STXBP5L: variants seen among roughly 807,000 people sequenced by gnomAD.
The protein encoded by STXBP5L is syntaxin-binding protein 5-like.
Under a neutral mutation model 144.5 loss-of-function variants are expected in STXBP5L, and 65 were observed. The observed-to-expected ratio is 0.45, with a 90% CI of 0.37 to 0.55. The LOEUF is 0.55. Among genes scored for constraint, STXBP5L ranks in the 20% least tolerant of loss-of-function variants. The pLI is 0.00. For missense variants in STXBP5L, 1,298 were observed against 1,405.5 expected (o/e 0.92, Z 1.22); for synonymous variants, 505 against 469.6 (o/e 1.08, Z -0.97).
At chr3:121,023,986 C>T (rs1246840637) in intron 3 of STXBP5L, among the ~76,000 whole-genome samples, 1 of 151,982 alleles carries the variant, frequency 6.6e-6, no homozygotes, top group Non-Finnish European at 1.5e-5. Context: ...TCTCGATCTC[C>T]TGACCTTGTG....
intron 2 of STXBP5L, among the ~76,000 whole-genome samples, chr3:120,951,547 T>C (rs997917176): frequency 5.9e-5 from 9 of 151,930 alleles, no homozygotes; most frequent in African/African-American, 2.2e-4. Context: ...AAAAAACACA[T>C]GAAAAAATGC....
chr3:121,377,856 A>C (rs2108676851), intron 20 of STXBP5L, among the ~76,000 whole-genome samples: 2 of 152,328 alleles, frequency 1.3e-5, no homozygotes, highest in Middle Eastern at 6.8e-3. Context: ...TTCTACTATA[A>C]AGACACATGC....
intron 3 of STXBP5L, among the ~76,000 whole-genome samples, chr3:120,971,662 C>T (rs1482077465): frequency 6.8e-6 from 1 of 147,544 alleles, no homozygotes; most frequent in Non-Finnish European, 1.5e-5. Context: ...CACACACACA[C>T]ATATACATTC....
intron 5 of STXBP5L, among the ~76,000 whole-genome samples, chr3:121,103,048 A>G (rs2043508953): frequency 6.6e-6 from 1 of 152,096 alleles, no homozygotes; most frequent in Non-Finnish European, 1.5e-5. Flanking sequence ...AAGTCTAAAA[A>G]CCACAAATGC....
chr3:121,140,506 A>C (rs1482507007), intron 7 of STXBP5L, among the ~76,000 whole-genome samples: 1 of 152,188 alleles, frequency 6.6e-6, no homozygotes, highest in Non-Finnish European at 1.5e-5. Flanking sequence ...TCATTGGATA[A>C]ATAGATAAAG....
chr3:121,231,420 AG>A (rs2049305851), intron 11 of STXBP5L, among the ~76,000 whole-genome samples: 1 of 152,164 alleles, frequency 6.6e-6, no homozygotes, highest in East Asian at 1.9e-4. Context: ...CTCTTATGCC[AG>A]GGGCACTGTG....
At chr3:121,076,704 G>A (rs1212516576) in intron 5 of STXBP5L, among the ~76,000 whole-genome samples, 2 of 152,054 alleles carry the variant, frequency 1.3e-5, no homozygotes, top group East Asian at 1.9e-4. Context: ...ATCTCACAAA[G>A]GGTTCTCAGT....
chr3:121,074,803 G>A (rs547321031), intron 5 of STXBP5L, among the ~76,000 whole-genome samples: 16 of 152,214 alleles, frequency 1.1e-4, no homozygotes, highest in African/African-American at 3.9e-4. Flanking sequence ...GCAATTTCTG[G>A]AGCAAGGCTT....
intron 19 of STXBP5L, among the ~76,000 whole-genome samples, chr3:121,312,050 C>G (rs1040269229): frequency 1.3e-5 from 2 of 152,172 alleles, no homozygotes; most frequent in Non-Finnish European, 2.9e-5. Flanking sequence ...ATATCTACGA[C>G]TGTCTGATCT....
At position 121,301,297 on chromosome 3, in the gene STXBP5L, G is replaced by C. The variant is rs59277423; in HGVS notation, c.2111-17178G>C. Among the ~76,000 whole-genome samples, 311 of 152,050 alleles carry C rather than the reference G, an allele frequency of 2.0e-3. 1 individual carries two copies. The highest frequency in any genetic ancestry group is 7.0e-3 in the African/African-American group (291 of 41,502). ...AAGTTGGATTCCTAGGTATTTTATT[G>C]TCTTTGAAGCAATTGTGAATGGGAG... On this transcript the variant is annotated intron_variant, in intron 19 of 26. Transcript: ENST00000471454.
At position 121,120,593 on chromosome 3, in the gene STXBP5L, G is replaced by A. The variant is rs961477081; in HGVS notation, c.606-1048G>A. Among the ~76,000 whole-genome samples the A allele has an allele frequency of 5.9e-5, 9 of 151,280 alleles. No homozygotes were observed. In the East Asian group the frequency reaches 1.7e-3, roughly 29 times the overall value. ...TCCATTTTTAGATGAAAATATTTAA[G>A]ATGAATCCACTAACAAAATTCATCA... is the stretch of plus-strand genomic sequence containing the variant. On this transcript the variant is annotated intron_variant, in intron 6 of 26. Transcript: ENST00000471454.
At chr3:121,299,430 A>G (rs2051797833) in intron 19 of STXBP5L, among the ~76,000 whole-genome samples, 1 of 152,138 alleles carries the variant, frequency 6.6e-6, no homozygotes, top group Admixed American at 6.5e-5. Flanking sequence ...AGGAACCTAA[A>G]TTGGACTTTT....
intron 22 of STXBP5L, among the ~76,000 whole-genome samples, chr3:121,390,621 G>T (rs1400411458): frequency 2.0e-5 from 3 of 152,156 alleles, no homozygotes; most frequent in African/African-American, 7.2e-5. Context: ...TATCTGTAAA[G>T]GATTTTATTT....
intron 7 of STXBP5L, among the ~76,000 whole-genome samples, chr3:121,151,892 T>C (rs576934272): frequency 6.6e-6 from 1 of 152,048 alleles, no homozygotes; most frequent in Non-Finnish European, 1.5e-5. Context: ...TCATGATATG[T>C]TCTAAAATTC....
intron 3 of STXBP5L, among the ~76,000 whole-genome samples, chr3:121,011,674 AG>A (rs1354273198): frequency 6.6e-6 from 1 of 151,794 alleles, no homozygotes; most frequent in African/African-American, 2.4e-5. Flanking sequence ...AAAAAAAAAA[AG>A]TTATTACAGA....
chr3:121,194,865 A>G (rs1184444197), intron 9 of STXBP5L, among the ~76,000 whole-genome samples: 2 of 147,630 alleles, frequency 1.4e-5, no homozygotes, highest in Admixed American at 6.7e-5. Flanking sequence ...ATAATACTCC[A>G]TTACAATCTT....
At chr3:121,263,967 C>G (rs1328746414) in intron 18 of STXBP5L, among the ~76,000 whole-genome samples, 2 of 152,166 alleles carry the variant, frequency 1.3e-5, no homozygotes, top group African/African-American at 4.8e-5. Flanking sequence ...GAGAATATCA[C>G]AAAGATACTC....
At chr3:121,255,505 A>C (rs569683023) in intron 16 of STXBP5L, among the ~76,000 whole-genome samples, 1 of 151,998 alleles carries the variant, frequency 6.6e-6, no homozygotes, top group African/African-American at 2.4e-5. Flanking sequence ...ATATACACCT[A>C]TATATTCTTC....
intron 7 of STXBP5L, among the ~76,000 whole-genome samples, chr3:121,141,481 A>G (rs1331330907): frequency 6.6e-6 from 1 of 152,174 alleles, no homozygotes; most frequent in Non-Finnish European, 1.5e-5. Context: ...TGAGATGATG[A>G]TGGGTACATC....
Sources: gnomAD v4.1 joint callset for allele counts (sites outside exome capture counted in the v4.1 genomes callset) on GRCh38, gnomAD v4.1.1 for gene constraint, MANE v1.5 for transcripts, NCBI Gene and HGNC (gene_info 2026-07-23, HGNC 2026-07-21) for gene names.